The following PON1 variants were observed in gnomAD, a reference collection of about 807,000 sequenced individuals.
PON1 encodes serum paraoxonase/arylesterase 1.
In PON1, 37 loss-of-function variants were observed where a neutral mutation model predicts 39.2. That is an observed-to-expected ratio of 0.94 (90% CI 0.73 to 1.24). PON1 has a LOEUF of 1.24. PON1 is among the 50% of genes most tolerant of loss of function. PON1 has a pLI of 0.00. For missense variants in PON1, 397 were observed against 413.5 expected (o/e 0.96, Z 0.35); for synonymous variants, 148 against 152.2 (o/e 0.97, Z 0.21).
At position 95,301,530 on chromosome 7, in the gene PON1, C is replaced by T. The variant is rs958001015; in HGVS notation, c.909+675G>A. Among the ~76,000 whole-genome samples, 5 of 152,192 alleles carry T rather than the reference C, an allele frequency of 3.3e-5. No individual in the cohort carries two copies. The East Asian group carries it at 5.8e-4, about 18-fold the overall frequency. On this transcript the variant is annotated intron_variant, in intron 8 of 8. Coordinates refer to ENST00000222381, the MANE Select transcript of PON1 (RefSeq NM_000446.7). ...GTTCCTGTCAGGCAACCCTCTCCAC[C>T]CACCACCGTCTACCTGTTCTGGCTT... is the stretch of plus-strand genomic sequence containing the variant.
At chr7:95,302,054 G>GC (rs1807436929) in intron 8 of PON1, 151 bp downstream of exon 8, 4 of 736,584 alleles carry the variant, frequency 5.4e-6, no homozygotes, top group Non-Finnish European at 6.1e-6. Flanking sequence ...CCAAGATTGC[G>GC]CCACTGCACT....
chr7:95,302,484 A>T, intron 7 of PON1, 151 bp from the exon 8 acceptor site: 1 of 681,620 alleles, frequency 1.5e-6, no homozygotes, highest in Non-Finnish European at 2.5e-6. Context: ...AATAAGACTC[A>T]CAAAATTTCT....
chr7:95,323,305 T>C (rs1807941180), intron 1 of PON1, among the ~76,000 whole-genome samples: 1 of 152,154 alleles, frequency 6.6e-6, no homozygotes, highest in African/African-American at 2.4e-5. Context: ...TATAATCTCC[T>C]TTGGCAGCCA....
At chr7:95,300,796 T>G (rs2237580) in intron 8 of PON1, among the ~76,000 whole-genome samples, 16,367 of 152,144 alleles carry the variant, frequency 0.11, 1,200 homozygotes, top group East Asian at 0.41. Flanking sequence ...TTCTGCTCAG[T>G]TCTGAGCACT....
In PON1 at chr7:95,320,892, G is replaced by A. The variant is rs185960096; in HGVS notation, c.75-2499C>T. ...GCGCAGAAACCATACAGCCTTTGCT[G>A]TGAACTTGTCTGAGTCTGCTTTGTG... On this transcript the variant is annotated intron_variant, in intron 1 of 8. Transcript: ENST00000222381. 1.4e-4 allele frequency among the ~76,000 whole-genome samples: 22 copies of A among 152,348 alleles called. No individual in the cohort carries two copies. The East Asian group carries it at 3.7e-3, about 25-fold the overall frequency.
At chr7:95,317,325 A>G (rs1332790889) in intron 2 of PON1, among the ~76,000 whole-genome samples, 1 of 152,140 alleles carries the variant, frequency 6.6e-6, no homozygotes, top group Non-Finnish European at 1.5e-5. Context: ...TCTTCAAGTT[A>G]GTTATACTTT....
intron 8 of PON1, among the ~76,000 whole-genome samples, chr7:95,301,173 T>A (rs1221082216): frequency 6.6e-6 from 1 of 152,150 alleles, no homozygotes; most frequent in African/African-American, 2.4e-5. Flanking sequence ...AATGTGCAAA[T>A]ACCTATATTG....
intron 8 of PON1, 82 bp downstream of exon 8, chr7:95,302,123 C>CAAAAAAAAAAAAAAAAAA (rs1198986302): frequency 2.0e-5 from 9 of 460,330 alleles, no homozygotes; most frequent in East Asian, 1.8e-4. Flanking sequence ...AAAAAAAAAC[C>CAAAAAAAAAAAAAAAAAA]AAGAATTGAG....
intron 1 of PON1, among the ~76,000 whole-genome samples, chr7:95,320,800 G>C (rs771560490): frequency 6.6e-6 from 1 of 152,166 alleles, no homozygotes; most frequent in Non-Finnish European, 1.5e-5. Context: ...AAGTCCAAAT[G>C]TTCTGGGCCT....
chr7:95,324,169 T>A (rs1807961594), intron 1 of PON1, among the ~76,000 whole-genome samples: 1 of 152,218 alleles, frequency 6.6e-6, no homozygotes. Flanking sequence ...ACCTGGGCAC[T>A]CACACCCCTG....
At chr7:95,301,837 C>T (rs571425128) in intron 8 of PON1, among the ~76,000 whole-genome samples, 30 of 151,524 alleles carry the variant, frequency 2.0e-4, no homozygotes, top group Admixed American at 1.4e-3. Context: ...CCTGTAATCC[C>T]GGCACTTTGG....
intron 8 of PON1, 82 bp downstream of exon 8, chr7:95,302,116 AAAAAACC>A: frequency 7.8e-6 from 6 of 772,310 alleles, no homozygotes; most frequent in Non-Finnish European, 1.1e-5. Context: ...AAAAAAAAAA[AAAAAACC>A]AAGAATTGAG....
intron 7 of PON1, among the ~76,000 whole-genome samples, chr7:95,304,747 C>T (rs1214913610): frequency 6.6e-6 from 1 of 152,116 alleles, no homozygotes. Context: ...TTGGCACTCT[C>T]GGGCATTAAT....
intron 7 of PON1, among the ~76,000 whole-genome samples, chr7:95,302,570 G>T (rs1807459955): frequency 6.6e-6 from 1 of 151,470 alleles, no homozygotes; most frequent in East Asian, 1.9e-4. Context: ...AGAAAGCCAA[G>T]AAAGACTGTT....
At chr7:95,312,346 A>G (rs545109908) in intron 4 of PON1, among the ~76,000 whole-genome samples, 1 of 152,264 alleles carries the variant, frequency 6.6e-6, no homozygotes, top group South Asian at 2.1e-4. Flanking sequence ...GGTGCCCACC[A>G]CCATGCCTGG....
Position 95,320,967 on chromosome 7 carries a change from T to G in PON1, c.75-2574A>C, listed in dbSNP as rs190464211. On this transcript the variant is annotated intron_variant, in intron 1 of 8. Coordinates refer to ENST00000222381, the MANE Select transcript of PON1 (RefSeq NM_000446.7). ...TAAGCAACTGATAAAGAAAAAAGGT[T>G]TATTTGGCTTATGATTCTGGATGGT... 3.8e-3 allele frequency among the ~76,000 whole-genome samples: 572 copies of G among 152,268 alleles called. 19 individuals carry two copies. Among genetic ancestry groups the G allele is most frequent in the Admixed American group, 0.033 (511 of 15,294 alleles).
At chr7:95,315,820 T>A (rs919736452) in intron 3 of PON1, among the ~76,000 whole-genome samples, 1 of 152,196 alleles carries the variant, frequency 6.6e-6, no homozygotes, top group Non-Finnish European at 1.5e-5. Context: ...TTCAATGATA[T>A]AAGCAAGGAA....
intron 7 of PON1, among the ~76,000 whole-genome samples, chr7:95,303,047 C>T (rs1332522053): frequency 6.6e-6 from 1 of 152,206 alleles, no homozygotes; most frequent in African/African-American, 2.4e-5. Flanking sequence ...GAAATCCCAT[C>T]TATTTGTTTA....
At chr7:95,317,594 G>GAAAAAAAAAAAAAAAAAAAAAAAA (rs1357541602) in intron 2 of PON1, among the ~76,000 whole-genome samples, 1 of 75,184 alleles carries the variant, frequency 1.3e-5, no homozygotes, top group Non-Finnish European at 2.9e-5. Context: ...AAAAAAAAAA[G>GAAAAAAAAAAAAAAAAAAAAAAAA]AAAGAAAAAG....
Sources: allele counts gnomAD v4.1 joint callset (sites outside exome capture counted in the v4.1 genomes callset), GRCh38; gene constraint gnomAD v4.1.1; transcripts MANE v1.5; gene names NCBI Gene and HGNC (gene_info 2026-07-23, HGNC 2026-07-21).